MYO10: variants seen among roughly 807,000 people sequenced by gnomAD.
The protein encoded by MYO10 is myosin X.
A neutral mutation model predicts 257.3 loss-of-function variants in MYO10; 133 were observed. The observed-to-expected ratio is 0.52, with a 90% confidence interval of 0.45 to 0.60. MYO10 has a LOEUF of 0.60. Ranked by LOEUF, MYO10 falls within the 20% of genes least tolerant of loss-of-function variation. The pLI is 0.00. For synonymous variants in MYO10, 1,104 were observed against 1,028.6 expected, an observed-to-expected ratio of 1.07 and a Z score of -1.40; for missense variants, 2,399 against 2,635.7, an observed-to-expected ratio of 0.91 and a Z score of 1.97.
intron 23 of MYO10, 130 bp downstream of exon 23, chr5:16,702,795 C>T: frequency 1.0e-6 from 1 of 961,296 alleles, no homozygotes; most frequent in Non-Finnish European, 1.5e-6. Flanking sequence ...ATATTCTAGC[C>T]ACCTAGAGTT....
chr5:16,920,347 G>T (rs181033891), intron 1 of MYO10, among the ~76,000 whole-genome samples: 28 of 152,288 alleles, frequency 1.8e-4, no homozygotes, highest in Admixed American at 1.2e-3. Context: ...TAATAAAAAA[G>T]GAACAAAACC....
chr5:16,785,037 C>T (rs905611558), intron 4 of MYO10, among the ~76,000 whole-genome samples: 3 of 152,172 alleles, frequency 2.0e-5, no homozygotes, highest in African/African-American at 4.8e-5. Flanking sequence ...GGAAATGTCC[C>T]TTTTGCGGCA....
chr5:16,873,768 C>A (rs1423770940), intron 2 of MYO10, among the ~76,000 whole-genome samples: 1 of 152,202 alleles, frequency 6.6e-6, no homozygotes, highest in Non-Finnish European at 1.5e-5. Context: ...AAGCCACAGC[C>A]TGAGCTGTAC....
chr5:16,837,972 G>A (rs978731488), intron 2 of MYO10, among the ~76,000 whole-genome samples: 4 of 151,984 alleles, frequency 2.6e-5, no homozygotes, highest in African/African-American at 9.7e-5. Flanking sequence ...GTTTGGGGGC[G>A]CCACAAACCA....
chr5:16,673,029 T>C (rs929395258), intron 36 of MYO10, among the ~76,000 whole-genome samples: 5 of 152,228 alleles, frequency 3.3e-5, no homozygotes, highest in Non-Finnish European at 7.3e-5. Flanking sequence ...TATCTCTTTC[T>C]TGCTGAAAAT....
intron 1 of MYO10, among the ~76,000 whole-genome samples, chr5:16,882,356 T>C (rs2126766089): frequency 6.6e-6 from 1 of 152,280 alleles, no homozygotes; most frequent in South Asian, 2.1e-4. Flanking sequence ...GGTTTGGCAA[T>C]TTCTTAAAAA....
Position 16,701,078 on chromosome 5 carries a change from C to A in MYO10, c.3317G>T (p.Ser1106Ile). 6.3e-7 allele frequency: 1 copy of A among 1,577,508 alleles called. No individual in the cohort carries two copies. The highest frequency in any genetic ancestry group is 1.3e-5 in the African/African-American group (1 of 74,250). The part of the protein sequence containing the change: ...YEDGAITSGS[S>I]VTFSNSYGSQ... ...GCCGTAGGAGTTGGAGAAGGTCACG[C>A]TGCTGCCGGAAGTGATGGCACCGTC... Residue 1106 changes from serine to isoleucine, a missense_variant, in exon 25 of 41, where the codon AGC becomes ATC. This residue lies in a region of MYO10 where 1,820 missense variants were observed against 1,939.4 expected (regional missense o/e 0.94). Transcript: ENST00000513610. The surrounding 1 kb of genome is among the most constrained non-coding windows in gnomAD (Gnocchi z 8.1).
chr5:16,808,455 A>G (rs1379171778), intron 3 of MYO10, among the ~76,000 whole-genome samples: 1 of 152,230 alleles, frequency 6.6e-6, no homozygotes, highest in African/African-American at 2.4e-5. Context: ...CCTGGGCAAA[A>G]GAGTGAGGTC....
chr5:16,754,918 A>C lies in MYO10; in HGVS notation c.1849-10T>G, dbSNP rs1350369391. On this transcript the variant is annotated splice_polypyrimidine_tract_variant and intron_variant, in intron 18 of 40. Transcript: ENST00000513610. The stretch of plus-strand genomic sequence containing the variant: ...AGGAATGCAGTGAGTCCTATTAGAA[A>C]AAGTATATGTTGATTTAGTCTCTTA... 5.2e-6 allele frequency: 8 copies of C among 1,548,610 alleles called. No individual in the cohort carries two copies. The highest frequency in any genetic ancestry group is 6.2e-6 in the Non-Finnish European group (7 of 1,132,916).
At chr5:16,707,782 C>T (rs879810359) in intron 21 of MYO10, among the ~76,000 whole-genome samples, 1 of 152,164 alleles carries the variant, frequency 6.6e-6, no homozygotes, top group East Asian at 1.9e-4. Context: ...GTGAAGCATC[C>T]GACAGGCCGC....
intron 19 of MYO10, among the ~76,000 whole-genome samples, chr5:16,732,631 G>T (rs1199980447): frequency 6.6e-6 from 1 of 152,146 alleles, no homozygotes; most frequent in African/African-American, 2.4e-5. Flanking sequence ...TGCTAAAATA[G>T]CTGTGAAACT....
intron 18 of MYO10, among the ~76,000 whole-genome samples, chr5:16,756,012 G>GTCTC (rs1740518581): frequency 6.6e-6 from 1 of 151,988 alleles, no homozygotes. Flanking sequence ...ATGTGCAATG[G>GTCTC]TCTCACATTT....
intron 1 of MYO10, among the ~76,000 whole-genome samples, chr5:16,920,998 A>G (rs1253964046): frequency 6.6e-6 from 1 of 151,928 alleles, no homozygotes; most frequent in Non-Finnish European, 1.5e-5. Flanking sequence ...GGCGCCTGTA[A>G]TCCCAGCTAC....
Position 16,711,207 on chromosome 5 carries a change from C to T in MYO10, c.1968G>A (p.Gln656=). The change falls in exon 20 of 41, where the codon CAG becomes CAA. Residue 656 remains glutamine, a synonymous_variant. Transcript: ENST00000513610. Reference sequence around the variant, plus strand: ...TCTCCAGCATCCCTGAGTACCGCAGCTGGTTCAGCACAACCGCCTGGTCAA... The same window carrying T: ...TCTCCAGCATCCCTGAGTACCGCAGTTGGTTCAGCACAACCGCCTGGTCAA... The part of the protein sequence containing the change: ...DQFDQAVVLN[Q]LRYSGMLETV... The T allele has an allele frequency of 6.2e-7, 1 of 1,613,236 alleles. No homozygotes were observed. Among genetic ancestry groups the T allele is most frequent in the Non-Finnish European group, 8.5e-7 (1 of 1,179,588 alleles).
chr5:16,834,013 A>G (rs1743234210), intron 2 of MYO10, among the ~76,000 whole-genome samples: 3 of 152,110 alleles, frequency 2.0e-5, no homozygotes, highest in African/African-American at 7.2e-5. Context: ...TTTCTCTGCC[A>G]GGCCCCCCCG....
intron 2 of MYO10, among the ~76,000 whole-genome samples, chr5:16,818,400 GTGTGTGTGTGTATA>G (rs1561000855): frequency 6.2e-5 from 7 of 112,492 alleles, no homozygotes; most frequent in East Asian, 2.5e-4. Flanking sequence ...GTGTGTGTGT[GTGTGTGTGTGTATA>G]TATATATATA....
intron 4 of MYO10, among the ~76,000 whole-genome samples, chr5:16,791,347 G>A (rs6881359): frequency 6.6e-6 from 1 of 151,476 alleles, no homozygotes; most frequent in African/African-American, 2.4e-5. Flanking sequence ...GCTGAAGAGA[G>A]CTATTAAAAC....
chr5:16,860,462 T>C (rs1325254556), intron 2 of MYO10, among the ~76,000 whole-genome samples: 1 of 152,188 alleles, frequency 6.6e-6, no homozygotes, highest in South Asian at 2.1e-4. Flanking sequence ...CCCAGGCCCA[T>C]ATTTACTGAG....
At chr5:16,851,882 C>A (rs891993594) in intron 2 of MYO10, among the ~76,000 whole-genome samples, 6 of 151,728 alleles carry the variant, frequency 4.0e-5, no homozygotes, top group African/African-American at 1.5e-4. Context: ...GAAACCCTGT[C>A]CGTACTAAAA....
Sources: gnomAD v4.1 joint callset for allele counts (sites outside exome capture counted in the v4.1 genomes callset) on GRCh38, gnomAD v4.1.1 for gene constraint, gnomAD v4.1.1 regional missense constraint, Gnocchi (gnomAD v3.1) non-coding constraint, MANE v1.5 for transcripts, NCBI Gene and HGNC (gene_info 2026-07-23, HGNC 2026-07-21) for gene names.